PLAC8: variants seen among roughly 807,000 people sequenced by gnomAD.
The protein encoded by PLAC8 is placenta associated 8, also known as placenta-specific gene 8 protein.
PLAC8 carries 6 observed loss-of-function variants against 12.6 expected under a neutral mutation model. The ratio of observed to expected loss-of-function variants is 0.48; its 90% confidence interval spans 0.26 to 0.94. The LOEUF (loss-of-function observed/expected upper bound fraction) is 0.94, where lower values mean the gene tolerates loss of function less well. PLAC8 is among the 40% of genes least tolerant of loss of function. PLAC8 has a pLI of 0.14. For synonymous variants in PLAC8, 54 were observed against 52.6 expected, an observed-to-expected ratio of 1.03 and a Z score of -0.11; for missense variants, 122 against 152.7, an observed-to-expected ratio of 0.80 and a Z score of 1.06.
intron 3 of PLAC8, among the ~76,000 whole-genome samples, chr4:83,099,294 A>G (rs1732024367): frequency 6.6e-6 from 1 of 151,848 alleles, no homozygotes; most frequent in Non-Finnish European, 1.5e-5. Context: ...CAATGATGCA[A>G]TCTTGGCTCA....
rs550396118 is a variant in PLAC8 at position 83,097,248 on chromosome 4, T to G, written c.244-2457A>C. Reference sequence around the variant, plus strand: ...CATGTGGGGTGTGTGTGTGTGTGGGTGTGTATGTGTGTGTGTGTGTGATGT... The same window carrying G: ...CATGTGGGGTGTGTGTGTGTGTGGGGGTGTATGTGTGTGTGTGTGTGATGT... On this transcript the variant is annotated intron_variant, in intron 3 of 4. Coordinates refer to ENST00000311507, the MANE Select transcript of PLAC8 (RefSeq NM_016619.3). 7.8e-4 allele frequency among the ~76,000 whole-genome samples: 118 copies of G among 151,968 alleles called. 1 individual carries two copies. The East Asian group carries it at 0.019, about 24-fold the overall frequency.
In PLAC8 at chr4:83,099,755, T is replaced by C. The variant is rs367546945; in HGVS notation, c.244-4964A>G. ...GCTCACACCTGTAATCCCAGCACTT[T>C]GGAAGGCCAAGGCAGGCGGATCACA... On this transcript the variant is annotated intron_variant, in intron 3 of 4. Transcript: ENST00000311507. Among the ~76,000 whole-genome samples, 61 of 151,302 alleles carry C rather than the reference T, an allele frequency of 4.0e-4. 2 individuals carry two copies. The South Asian group carries it at 0.011, about 28-fold the overall frequency.
intron 3 of PLAC8, among the ~76,000 whole-genome samples, chr4:83,100,259 T>G (rs77894054): frequency 3.3e-4 from 47 of 143,194 alleles, no homozygotes; most frequent in East Asian, 6.2e-4. Context: ...CCAGCCTGGG[T>G]GACAGAGCGA....
At chr4:83,105,948 A>ACCCATAGCAAG (rs1270559820) in intron 2 of PLAC8, among the ~76,000 whole-genome samples, 1 of 152,130 alleles carries the variant, frequency 6.6e-6, no homozygotes, top group Non-Finnish European at 1.5e-5. Context: ...TTCATTCCCT[A>ACCCATAGCAAG]GGTAATTTTC....
intron 1 of PLAC8, among the ~76,000 whole-genome samples, chr4:83,113,769 T>C (rs1213614109): frequency 6.6e-6 from 1 of 152,112 alleles, no homozygotes; most frequent in East Asian, 1.9e-4. Flanking sequence ...GAGACTAGAA[T>C]ACCTTTCTTT....
At chr4:83,095,983 A>G (rs1731916077) in intron 3 of PLAC8, among the ~76,000 whole-genome samples, 1 of 152,194 alleles carries the variant, frequency 6.6e-6, no homozygotes, top group African/African-American at 2.4e-5. Flanking sequence ...TTAAGCACTG[A>G]TCTTAGTAAC....
rs114867869 is a variant in PLAC8, at chr4:83,097,635, T to C, written c.244-2844A>G. On this transcript the variant is annotated intron_variant, in intron 3 of 4. Coordinates refer to ENST00000311507, the MANE Select transcript of PLAC8 (RefSeq NM_016619.3). ...TGACCTTATCTTCATTTCTGTCTAA[T>C]GTCCTAGGCTCCACCCCTAATACAT... Among the ~76,000 whole-genome samples the C allele has an allele frequency of 6.8e-3, 1,031 of 152,278 alleles. 8 individuals carry two copies. The highest frequency in any genetic ancestry group is 0.023 in the African/African-American group (963 of 41,544).
intron 4 of PLAC8, among the ~76,000 whole-genome samples, chr4:83,092,285 A>G (rs1477982247): frequency 6.6e-6 from 1 of 152,228 alleles, no homozygotes; most frequent in Non-Finnish European, 1.5e-5. Flanking sequence ...TTATTTAAGT[A>G]AACAGTGTTG....
intron 3 of PLAC8, among the ~76,000 whole-genome samples, chr4:83,098,141 G>A (rs1034747909): frequency 3.9e-5 from 6 of 152,160 alleles, no homozygotes; most frequent in African/African-American, 1.4e-4. Flanking sequence ...ACAGGCGTGA[G>A]CCACCGCGCC....
At chr4:83,103,218 A>C (rs963487083) in intron 3 of PLAC8, among the ~76,000 whole-genome samples, 1 of 151,952 alleles carries the variant, frequency 6.6e-6, no homozygotes, top group Non-Finnish European at 1.5e-5. Flanking sequence ...AACATGGTGA[A>C]ACCCTGTCTC....
chr4:83,107,064 G>A (rs368935911), intron 2 of PLAC8, among the ~76,000 whole-genome samples: 1 of 152,264 alleles, frequency 6.6e-6, no homozygotes, highest in East Asian at 1.9e-4. Context: ...GCCAGGTGTG[G>A]TGACGGGTGC....
At chr4:83,098,866 A>C (rs956042935) in intron 3 of PLAC8, among the ~76,000 whole-genome samples, 2 of 152,084 alleles carry the variant, frequency 1.3e-5, no homozygotes, top group African/African-American at 2.4e-5. Context: ...TCAAATTATA[A>C]ATTATGTCTC....
chr4:83,105,440 A>G (rs1472775576), intron 2 of PLAC8, among the ~76,000 whole-genome samples: 8 of 152,244 alleles, frequency 5.3e-5, no homozygotes. Flanking sequence ...GGCCCTGAGT[A>G]GGAAATGCTC....
At chr4:83,099,454 C>T (rs931085873) in intron 3 of PLAC8, among the ~76,000 whole-genome samples, 50 of 152,106 alleles carry the variant, frequency 3.3e-4, no homozygotes, top group African/African-American at 9.9e-4. Context: ...CTTATTATAT[C>T]TGTTATGGCC....
chr4:83,111,969 G>A (rs774749233), intron 1 of PLAC8, among the ~76,000 whole-genome samples: 15 of 152,004 alleles, frequency 9.9e-5, no homozygotes, highest in Non-Finnish European at 1.3e-4. Context: ...GAGGTCGGGA[G>A]TTCGAGACCA....
rs115391910 is a variant in PLAC8 at position 83,105,031 on chromosome 4, G to T, written c.119-11C>A. 2.6e-4 allele frequency: 416 copies of T among 1,613,954 alleles called. No homozygotes were observed. In the African/African-American group the frequency reaches 5.3e-3, roughly 20 times the overall value. On this transcript the variant is annotated splice_polypyrimidine_tract_variant and intron_variant, in intron 2 of 4. Coordinates refer to ENST00000311507, the MANE Select transcript of PLAC8 (RefSeq NM_016619.3). The stretch of plus-strand genomic sequence containing the variant: ...ATGTGCCACAGAGACCTAGACACAT[G>T]AAACCAGGGGTACATATTACTCCAC...
At chr4:83,103,189 G>A (rs1415138126) in intron 3 of PLAC8, among the ~76,000 whole-genome samples, 2 of 151,926 alleles carry the variant, frequency 1.3e-5, no homozygotes, top group East Asian at 1.9e-4. Flanking sequence ...AAGGTCAAGA[G>A]ATCAAGACCA....
chr4:83,106,901 C>G (rs950306899), intron 2 of PLAC8, among the ~76,000 whole-genome samples: 35 of 152,246 alleles, frequency 2.3e-4, no homozygotes, highest in Non-Finnish European at 3.8e-4. Flanking sequence ...TTAAGGAGAT[C>G]TTATAAAAAG....
chr4:83,101,225 A>T (rs1366569247), intron 3 of PLAC8, among the ~76,000 whole-genome samples: 1 of 152,090 alleles, frequency 6.6e-6, no homozygotes, highest in Non-Finnish European at 1.5e-5. Flanking sequence ...TAAAAATACA[A>T]AAAAATTAGC....
Sources: allele counts gnomAD v4.1 joint callset (sites outside exome capture counted in the v4.1 genomes callset), GRCh38; gene constraint gnomAD v4.1.1; transcripts MANE v1.5; gene names NCBI Gene and HGNC (gene_info 2026-07-23, HGNC 2026-07-21).